Variants in LRRC4C observed in about 807,000 individuals in gnomAD.
LRRC4C encodes leucine rich repeat containing 4C, also known as leucine-rich repeat-containing protein 4C.
Under a neutral mutation model 33.6 loss-of-function variants are expected in LRRC4C, and 5 were observed. The observed-to-expected ratio is 0.15, with a 90% CI of 0.08 to 0.31. The LOEUF (loss-of-function observed/expected upper bound fraction) is 0.31, where lower values mean the gene tolerates loss of function less well. LRRC4C is among the 10% of genes least tolerant of loss of function. LRRC4C has a pLI of 1.00. For missense variants in LRRC4C, 560 were observed against 796.7 expected (o/e 0.70, Z 3.58); for synonymous variants, 329 against 302.0 (o/e 1.09, Z -0.93).
At chr11:41,391,427 AAAAGTTAAT>A (rs1457818779) in intron 1 of LRRC4C, among the ~76,000 whole-genome samples, 2 of 151,942 alleles carry the variant, frequency 1.3e-5, no homozygotes, top group Non-Finnish European at 2.9e-5. Context: ...ACATGAGGAC[AAAAGTTAAT>A]AAAATTGTAT....
At chr11:40,997,766 G>A (rs355250) in intron 1 of LRRC4C, among the ~76,000 whole-genome samples, 87,447 of 151,398 alleles carry the variant, frequency 0.58, 25,430 homozygotes, top group South Asian at 0.63. Flanking sequence ...AGAACAGGGA[G>A]GGCTGTTCCA....
chr11:41,209,942 T>C (rs534940574), intron 1 of LRRC4C, among the ~76,000 whole-genome samples: 2 of 152,208 alleles, frequency 1.3e-5, no homozygotes, highest in East Asian at 3.9e-4. Context: ...CTCGTGTCAC[T>C]GTAGGGAGAC....
chr11:40,768,444 A>C (rs1047188013), intron 2 of LRRC4C, among the ~76,000 whole-genome samples: 1 of 152,088 alleles, frequency 6.6e-6, no homozygotes, highest in East Asian at 1.9e-4. Flanking sequence ...AGGAGCAGGA[A>C]CACCTACAAA....
chr11:41,455,886 A>C (rs1956158254), intron 1 of LRRC4C, among the ~76,000 whole-genome samples: 1 of 152,118 alleles, frequency 6.6e-6, no homozygotes, highest in South Asian at 2.1e-4. Context: ...CTCAATCCAG[A>C]GGGTTTTTTT....
intron 1 of LRRC4C, among the ~76,000 whole-genome samples, chr11:41,290,323 T>C (rs1264574434): frequency 6.6e-6 from 1 of 152,198 alleles, no homozygotes; most frequent in Admixed American, 6.5e-5. Flanking sequence ...AAGTTTGTGG[T>C]GCAGGTATCA....
chr11:40,226,550 C>G (rs527997091), intron 5 of LRRC4C, among the ~76,000 whole-genome samples: 2 of 152,280 alleles, frequency 1.3e-5, no homozygotes, highest in Non-Finnish European at 2.9e-5. Flanking sequence ...CATTACTAAC[C>G]TTGCTTATGC....
intron 3 of LRRC4C, among the ~76,000 whole-genome samples, chr11:40,640,069 C>G (rs554606898): frequency 9.2e-5 from 14 of 152,258 alleles, no homozygotes; most frequent in African/African-American, 2.6e-4. Context: ...CAGACCTTAA[C>G]TAGGTCATGT....
intron 3 of LRRC4C, among the ~76,000 whole-genome samples, chr11:40,472,489 A>G: frequency 1.1e-5 from 1 of 91,742 alleles, no homozygotes; most frequent in African/African-American, 3.8e-5. Context: ...ATAGCACTAA[A>G]TGCCCACAGG....
intron 2 of LRRC4C, among the ~76,000 whole-genome samples, chr11:40,755,940 C>A (rs1473194890): frequency 6.6e-6 from 1 of 151,986 alleles, no homozygotes; most frequent in African/African-American, 2.4e-5. Context: ...AGCAATACGG[C>A]CTTTAAAGAT....
At chr11:40,723,112 T>G (rs1947109137) in intron 2 of LRRC4C, among the ~76,000 whole-genome samples, 1 of 152,098 alleles carries the variant, frequency 6.6e-6, no homozygotes, top group Admixed American at 6.5e-5. Context: ...TTATGTAAAG[T>G]GACCAAACCT....
At chr11:40,851,190 A>C (rs1428445271) in intron 2 of LRRC4C, among the ~76,000 whole-genome samples, 5 of 151,048 alleles carry the variant, frequency 3.3e-5, no homozygotes, top group African/African-American at 1.2e-4. Context: ...GAAAAAAAAA[A>C]CCCTCCTGCA....
At chr11:40,853,396 GTA>G (rs1953609875) in intron 2 of LRRC4C, among the ~76,000 whole-genome samples, 2 of 147,986 alleles carry the variant, frequency 1.4e-5, no homozygotes, top group African/African-American at 2.5e-5. Flanking sequence ...ATATATAAAT[GTA>G]TATGTTTATA....
intron 2 of LRRC4C, among the ~76,000 whole-genome samples, chr11:40,702,526 T>C (rs183900691): frequency 1.5e-3 from 222 of 152,234 alleles, no homozygotes; most frequent in Middle Eastern, 0.01. Flanking sequence ...AAATATCCTT[T>C]CCATTAAGAT....
At chr11:40,829,890 A>G (rs1336005128) in intron 2 of LRRC4C, among the ~76,000 whole-genome samples, 1 of 152,026 alleles carries the variant, frequency 6.6e-6, no homozygotes, top group Non-Finnish European at 1.5e-5. Context: ...CGCAGACACA[A>G]TGAGGTGTGT....
At chr11:41,003,182 T>C (rs1854503673) in intron 1 of LRRC4C, among the ~76,000 whole-genome samples, 1 of 81,954 alleles carries the variant, frequency 1.2e-5, no homozygotes, top group Non-Finnish European at 2.6e-5. Context: ...AAAAGTAAAA[T>C]ACAGTTCTGA....
At chr11:40,764,895 A>C (rs976380102) in intron 2 of LRRC4C, among the ~76,000 whole-genome samples, 2 of 152,156 alleles carry the variant, frequency 1.3e-5, no homozygotes, top group Non-Finnish European at 2.9e-5. Flanking sequence ...GTAACCCCTA[A>C]TGCAGGTATG....
chr11:40,459,925 G>A (rs1952313533), intron 3 of LRRC4C, among the ~76,000 whole-genome samples: 1 of 152,148 alleles, frequency 6.6e-6, no homozygotes, highest in Non-Finnish European at 1.5e-5. Context: ...CATTATGCCT[G>A]CAAAAGCTAT....
chr11:41,379,641 T>G (rs1006186973), intron 1 of LRRC4C, among the ~76,000 whole-genome samples: 1 of 152,086 alleles, frequency 6.6e-6, no homozygotes, highest in Non-Finnish European at 1.5e-5. Context: ...TTCACAGCTT[T>G]CTTTCTATTT....
chr11:40,299,497 C>A (rs922243745), intron 4 of LRRC4C, among the ~76,000 whole-genome samples: 23 of 152,158 alleles, frequency 1.5e-4, no homozygotes, highest in African/African-American at 5.6e-4. Flanking sequence ...AAAGGAAAAT[C>A]TGTTCCATAT....
Sources: allele counts gnomAD v4.1 joint callset (sites outside exome capture counted in the v4.1 genomes callset), GRCh38; gene constraint gnomAD v4.1.1; transcripts MANE v1.5; gene names NCBI Gene and HGNC (gene_info 2026-07-23, HGNC 2026-07-21).